The following SLC38A6 variants were observed in gnomAD, a reference collection of about 807,000 sequenced individuals.
SLC38A6 encodes the protein solute carrier family 38 member 6.
A neutral mutation model predicts 65.0 loss-of-function variants in SLC38A6; 73 were observed. The observed-to-expected ratio is 1.12, with a 90% CI of 0.93 to 1.37. The LOEUF is 1.37. Among genes scored for constraint, SLC38A6 ranks in the 40% most tolerant of loss-of-function variants. The probability of loss-of-function intolerance (pLI) is 0.00; values close to 1 mark genes in which losing one functional copy is unlikely to be tolerated. For synonymous variants in SLC38A6, 183 were observed against 178.8 expected, an observed-to-expected ratio of 1.02 and a Z score of -0.19; for missense variants, 561 against 531.1, an observed-to-expected ratio of 1.06 and a Z score of -0.55.
At chr14:61,012,745 GA>G (rs1315361865) in intron 3 of SLC38A6, among the ~76,000 whole-genome samples, 1 of 151,988 alleles carries the variant, frequency 6.6e-6, no homozygotes, top group Non-Finnish European at 1.5e-5. Flanking sequence ...TGTGGTCTGA[GA>G]GACAGTTTGT....
chr14:61,037,807 A>G (rs1251585908), intron 8 of SLC38A6, 124 bp downstream of exon 8: 2 of 604,720 alleles, frequency 3.3e-6, no homozygotes, highest in Non-Finnish European at 5.6e-6. Flanking sequence ...CTGTGTTATT[A>G]AAAGCACTTT....
chr14:61,052,004 A>G, intron 14 of SLC38A6, 37 bp from the exon 15 acceptor site: 4 of 1,598,722 alleles, frequency 2.5e-6, no homozygotes, highest in Non-Finnish European at 3.4e-6. Flanking sequence ...ATCTGAATCC[A>G]GCAATATCCT....
intron 3 of SLC38A6, among the ~76,000 whole-genome samples, chr14:60,996,469 G>A (rs764425064): frequency 6.6e-6 from 1 of 151,776 alleles, no homozygotes; most frequent in Non-Finnish European, 1.5e-5. Context: ...AAATGGGAGA[G>A]AAAAGATAAG....
At chr14:61,050,419 A>C in intron 12 of SLC38A6, 93 bp from the exon 13 acceptor site, 1 of 809,154 alleles carries the variant, frequency 1.2e-6, no homozygotes, top group Non-Finnish European at 1.7e-6. Flanking sequence ...GGAATCTAAA[A>C]TCTGTTATCA....
intron 8 of SLC38A6, among the ~76,000 whole-genome samples, chr14:61,042,744 G>A (rs1298554727): frequency 6.6e-6 from 1 of 151,964 alleles, no homozygotes; most frequent in African/African-American, 2.4e-5. Context: ...TTCTTCCTGT[G>A]GCCTTTCCAT....
At chr14:60,987,116 G>A (rs567368662) in intron 3 of SLC38A6, 58 of 353,336 alleles carry the variant, frequency 1.6e-4, no homozygotes, top group Middle Eastern at 7.4e-4. Flanking sequence ...CCTGTCTTCC[G>A]TTGATTGAAT....
chr14:61,075,249 C>T (rs1383579837), intron 15 of SLC38A6, among the ~76,000 whole-genome samples: 1 of 152,152 alleles, frequency 6.6e-6, no homozygotes, highest in Non-Finnish European at 1.5e-5. Flanking sequence ...CTAATAAAGT[C>T]AGTAGACACA....
chr14:61,001,876 C>A (rs1344623590), intron 3 of SLC38A6, among the ~76,000 whole-genome samples: 1 of 152,130 alleles, frequency 6.6e-6, no homozygotes, highest in African/African-American at 2.4e-5. Flanking sequence ...TAGTCAGTAT[C>A]TTTTTATCTT....
intron 15 of SLC38A6, among the ~76,000 whole-genome samples, chr14:61,071,024 C>G (rs2043209263): frequency 6.6e-6 from 1 of 152,078 alleles, no homozygotes; most frequent in South Asian, 2.1e-4. Context: ...TTTTGCTGTG[C>G]AGAATCTCTT....
chr14:61,081,583 G>A (rs1253350469), intron 16 of SLC38A6, among the ~76,000 whole-genome samples: 2 of 152,060 alleles, frequency 1.3e-5, no homozygotes, highest in Non-Finnish European at 2.9e-5. Flanking sequence ...TACTCAGGAG[G>A]TGGAGGCAGG....
intron 15 of SLC38A6, among the ~76,000 whole-genome samples, chr14:61,071,899 TG>T (rs1189846147): frequency 6.6e-6 from 1 of 152,162 alleles, no homozygotes; most frequent in East Asian, 1.9e-4. Context: ...TTAAATCTTG[TG>T]TATTTAGGGA....
At chr14:61,013,777 A>G (rs557655451) in intron 3 of SLC38A6, among the ~76,000 whole-genome samples, 3 of 152,116 alleles carry the variant, frequency 2.0e-5, no homozygotes, top group Non-Finnish European at 4.4e-5. Context: ...TGGGCTTCCC[A>G]TTGTGGGTAA....
chr14:60,988,191 G>A (rs116708366), intron 3 of SLC38A6, among the ~76,000 whole-genome samples: 2 of 152,146 alleles, frequency 1.3e-5, no homozygotes, highest in African/African-American at 2.4e-5. Flanking sequence ...TTCTCTTTAT[G>A]TCTCTCATAC....
chr14:61,000,629 C>T (rs1413627190), intron 3 of SLC38A6, among the ~76,000 whole-genome samples: 1 of 152,102 alleles, frequency 6.6e-6, no homozygotes, highest in African/African-American at 2.4e-5. Flanking sequence ...TGAAACTCCA[C>T]TTCCAAGGGA....
intron 6 of SLC38A6, among the ~76,000 whole-genome samples, chr14:61,031,509 A>T (rs1275009679): frequency 2.0e-5 from 3 of 152,168 alleles, no homozygotes; most frequent in Non-Finnish European, 2.9e-5. Context: ...ATGTAGTTAA[A>T]AAAAGACAAG....
At chr14:61,079,667 T>C (rs1379939250) in intron 16 of SLC38A6, among the ~76,000 whole-genome samples, 1 of 152,182 alleles carries the variant, frequency 6.6e-6, no homozygotes, top group Non-Finnish European at 1.5e-5. Context: ...TATTTGTATG[T>C]CTAACCACCC....
At chr14:61,069,474 G>GT (rs1249562487) in intron 15 of SLC38A6, among the ~76,000 whole-genome samples, 1 of 151,934 alleles carries the variant, frequency 6.6e-6, no homozygotes, top group Non-Finnish European at 1.5e-5. Flanking sequence ...CCCTTAAACT[G>GT]TTTTTTCTGT....
chr14:61,010,785 G>A (rs545517509), intron 3 of SLC38A6, among the ~76,000 whole-genome samples: 8 of 152,294 alleles, frequency 5.3e-5, no homozygotes, highest in Admixed American at 1.3e-4. Context: ...GGTTACTGTA[G>A]CCTCGTAGTA....
intron 5 of SLC38A6, among the ~76,000 whole-genome samples, chr14:61,023,785 G>A (rs1045573151): frequency 1.3e-5 from 2 of 151,946 alleles, no homozygotes; most frequent in African/African-American, 2.4e-5. Context: ...AAAGCAAAAT[G>A]ACCATGGATT....
Sources: allele counts gnomAD v4.1 joint callset (sites outside exome capture counted in the v4.1 genomes callset), GRCh38; gene constraint gnomAD v4.1.1; transcripts MANE v1.5; gene names NCBI Gene and HGNC (gene_info 2026-07-23, HGNC 2026-07-21).